CTIF: variants seen among roughly 807,000 people sequenced by gnomAD.
The protein encoded by CTIF is cap binding complex dependent translation initiation factor.
Under a neutral mutation model 66.0 loss-of-function variants are expected in CTIF, and 21 were observed. The ratio of observed to expected loss-of-function variants is 0.32; its 90% CI spans 0.23 to 0.46. The LOEUF (loss-of-function observed/expected upper bound fraction) is 0.46. CTIF is among the 20% of genes least tolerant of loss of function. The pLI is 1.00. For missense variants in CTIF, 739 were observed against 812.7 expected, an observed-to-expected ratio of 0.91 and a Z score of 1.10; for synonymous variants, 345 against 326.4, an observed-to-expected ratio of 1.06 and a Z score of -0.62.
intron 2 of CTIF, among the ~76,000 whole-genome samples, 189 bp downstream of exon 2, chr18:48,619,934 C>T (rs1390982138): frequency 6.6e-6 from 1 of 152,182 alleles, no homozygotes; most frequent in Non-Finnish European, 1.5e-5. Flanking sequence ...TGGCTGTGCA[C>T]CCCGTCCCTC....
In CTIF at chr18:48,860,318, G is replaced by A. The variant is rs2146698240; in HGVS notation, c.*759G>A. ...TTTGGCCAATGAAAATGCCCGTGAT[G>A]TGATCACACAGTCAGCACTGTTGAG... is the stretch of plus-strand genomic sequence containing the variant. On this transcript the variant is annotated 3_prime_UTR_variant, in exon 12 of 12. Coordinates refer to ENST00000256413, the MANE Select transcript of CTIF (RefSeq NM_014772.3). 1 of 276,452 alleles carries A rather than the reference G, an allele frequency of 3.6e-6. No individual in the cohort carries two copies. The highest frequency in any genetic ancestry group is 8.8e-5 in the East Asian group (1 of 11,332). The allele number at this position is 276,452 out of a possible 1,614,324, so 17.1% of individuals were successfully genotyped here.
In CTIF at chr18:48,761,474, A is replaced by C; in HGVS notation, c.1156A>C (p.Ser386Arg). The change falls in exon 9 of 12, where the codon AGC becomes CGC. Residue 386 changes from serine to arginine, a missense_variant. Coordinates refer to ENST00000256413, the MANE Select transcript of CTIF (RefSeq NM_014772.3). This position sits in a 1 kb window ranked among gnomAD's most constrained non-coding sequence, Gnocchi z 4.2. ...IEILNSMRNN[S>R]SDVDTKLTTF... The stretch of plus-strand genomic sequence containing the variant: ...GATCCTGAACAGCATGCGGAACAAC[A>C]GCAGCGACGTGGACACCAAGCTCAC... The C allele has an allele frequency of 6.2e-7, 1 of 1,614,220 alleles. No homozygotes were observed. The highest frequency in any genetic ancestry group is 8.5e-7 in the Non-Finnish European group (1 of 1,180,044).
intron 10 of CTIF, among the ~76,000 whole-genome samples, chr18:48,821,631 AAAG>A (rs1344281786): frequency 6.6e-6 from 1 of 152,242 alleles, no homozygotes; most frequent in Non-Finnish European, 1.5e-5. Context: ...CAGAGATGAA[AAAG>A]AAGAATTTTC....
intron 6 of CTIF, among the ~76,000 whole-genome samples, chr18:48,692,946 C>A (rs900996624): frequency 6.6e-6 from 1 of 152,232 alleles, no homozygotes; most frequent in Non-Finnish European, 1.5e-5. Flanking sequence ...ATTATTTCAT[C>A]TGTGCTTACC....
chr18:48,710,256 A>G (rs1056056827), intron 6 of CTIF, among the ~76,000 whole-genome samples: 1 of 152,230 alleles, frequency 6.6e-6, no homozygotes, highest in African/African-American at 2.4e-5. Context: ...CCTGCCTGTA[A>G]GGTGGGGAGT....
intron 9 of CTIF, among the ~76,000 whole-genome samples, chr18:48,766,863 A>G: frequency 1.4e-5 from 1 of 70,164 alleles, no homozygotes; most frequent in Admixed American, 1.9e-4. Context: ...CCTTGATGAG[A>G]TGAAAGCCAC....
chr18:48,780,032 C>T (rs920457001), intron 9 of CTIF, among the ~76,000 whole-genome samples: 5 of 152,174 alleles, frequency 3.3e-5, no homozygotes, highest in Non-Finnish European at 1.5e-5. Flanking sequence ...CCTAAGGAAG[C>T]AGCTTGTGTC....
At chr18:48,757,672 A>G (rs1908521841) in intron 7 of CTIF, among the ~76,000 whole-genome samples, 1 of 152,210 alleles carries the variant, frequency 6.6e-6, no homozygotes, top group African/African-American at 2.4e-5. Flanking sequence ...GTAAGCGAAT[A>G]AAGTACTGAT....
chr18:48,706,393 G>A (rs1384372244), intron 6 of CTIF, among the ~76,000 whole-genome samples: 1 of 152,152 alleles, frequency 6.6e-6, no homozygotes, highest in African/African-American at 2.4e-5. Context: ...TAGGGGAGGT[G>A]TGTCACTCCT....
At chr18:48,686,371 C>T (rs1212158402) in intron 6 of CTIF, among the ~76,000 whole-genome samples, 1 of 152,180 alleles carries the variant, frequency 6.6e-6, no homozygotes, top group Admixed American at 6.5e-5. Flanking sequence ...TCTTTGAGCA[C>T]TTCTTGACTT....
rs2089907776 is a variant in CTIF, at chr18:48,592,509, A to AAAG, written c.-28-27027_-28-27026insGAA. Among the ~76,000 whole-genome samples, 4 of 150,200 alleles carry AAAG rather than the reference A, an allele frequency of 2.7e-5. No homozygotes were observed. The East Asian group carries it at 7.8e-4, about 29-fold the overall frequency. On this transcript the variant is annotated intron_variant, in intron 1 of 11. Coordinates refer to ENST00000256413, the MANE Select transcript of CTIF (RefSeq NM_014772.3). ...TGAAACCCTGTCTCAAAAAAAAAAA[A>AAAG]AAAAGAAAAAGAAAAAGAAAACAGC...
chr18:48,653,962 T>C lies in CTIF; in HGVS notation c.253-9790T>C, dbSNP rs538504388. ...AACTGGATCCCTTCCTTACACCTTA[T>C]ACAAAAATTAATTCAAGATGGATTA... On this transcript the variant is annotated intron_variant, in intron 3 of 11. Transcript: ENST00000256413. 8.5e-5 allele frequency among the ~76,000 whole-genome samples: 13 copies of C among 152,292 alleles called. 1 individual carries two copies. The South Asian group carries it at 2.7e-3, about 32-fold the overall frequency.
At chr18:48,843,981 T>C (rs1431188072) in intron 10 of CTIF, among the ~76,000 whole-genome samples, 1 of 152,104 alleles carries the variant, frequency 6.6e-6, no homozygotes, top group African/African-American at 2.4e-5. Flanking sequence ...GGTAGAAAGA[T>C]CAAATGGATC....
At chr18:48,599,931 A>G (rs934062646) in intron 1 of CTIF, among the ~76,000 whole-genome samples, 3 of 152,188 alleles carry the variant, frequency 2.0e-5, no homozygotes, top group Non-Finnish European at 4.4e-5. Context: ...GAGCCAGCCC[A>G]GTGACCTCAA....
At chr18:48,699,677 C>T (rs2092056385) in intron 6 of CTIF, among the ~76,000 whole-genome samples, 1 of 152,220 alleles carries the variant, frequency 6.6e-6, no homozygotes, top group African/African-American at 2.4e-5. Context: ...GGGGTCTCCA[C>T]ATGCAGCGGG....
At chr18:48,757,462 G>A (rs1908497289) in intron 7 of CTIF, among the ~76,000 whole-genome samples, 1 of 152,176 alleles carries the variant, frequency 6.6e-6, no homozygotes, top group Non-Finnish European at 1.5e-5. Context: ...TCATTCATAG[G>A]AAGGTGCTTG....
intron 7 of CTIF, among the ~76,000 whole-genome samples, chr18:48,720,049 C>T (rs953353599): frequency 2.9e-4 from 44 of 152,296 alleles, no homozygotes; most frequent in African/African-American, 9.1e-4. Flanking sequence ...AACCAAACCC[C>T]GCATTTCCCC....
intron 9 of CTIF, among the ~76,000 whole-genome samples, chr18:48,768,941 A>T (rs1258316802): frequency 6.6e-6 from 1 of 152,260 alleles, no homozygotes; most frequent in Admixed American, 6.5e-5. Flanking sequence ...ATCAATTGGG[A>T]TTTCAAAATC....
At chr18:48,782,618 A>T (rs906841994) in intron 9 of CTIF, among the ~76,000 whole-genome samples, 1 of 152,126 alleles carries the variant, frequency 6.6e-6, no homozygotes, top group African/African-American at 2.4e-5. Flanking sequence ...CTTGGCCCAG[A>T]TCCCAGGCCC....
Sources: gnomAD v4.1 joint callset for allele counts (sites outside exome capture counted in the v4.1 genomes callset) on GRCh38, gnomAD v4.1.1 for gene constraint, Gnocchi (gnomAD v3.1) non-coding constraint, MANE v1.5 for transcripts, NCBI Gene and HGNC (gene_info 2026-07-23, HGNC 2026-07-21) for gene names.